EPHA7: variants seen among roughly 807,000 people sequenced by gnomAD.
The protein encoded by EPHA7 is ephrin type-A receptor 7.
Under a neutral mutation model 112.6 loss-of-function variants are expected in EPHA7, and 25 were observed. That is an observed-to-expected ratio of 0.22 (90% confidence interval 0.16 to 0.31). EPHA7 has a LOEUF of 0.31. EPHA7 is among the 10% of genes least tolerant of loss of function. EPHA7 has a pLI of 1.00. For missense variants in EPHA7, 962 were observed against 1,212.6 expected (o/e 0.79, Z 3.07); for synonymous variants, 437 against 406.5 (o/e 1.07, Z -0.90).
intron 5 of EPHA7, among the ~76,000 whole-genome samples, chr6:93,299,818 T>C (rs1286167054): frequency 1.3e-5 from 2 of 152,230 alleles, no homozygotes; most frequent in African/African-American, 4.8e-5. Context: ...ATCACGTCTT[T>C]TGCAGGAACT....
At chr6:93,269,369 G>A in intron 7 of EPHA7, 108 bp downstream of exon 7, 1 of 793,820 alleles carries the variant, frequency 1.3e-6, no homozygotes. Context: ...ATATTTATTT[G>A]TAAATGTAAA....
Position 93,411,040 on chromosome 6 carries a change from AT to A in EPHA7, c.292del (p.Ile98PhefsTer3). 6.2e-7 allele frequency: 1 copy of A among 1,613,990 alleles called. No individual in the cohort carries two copies. Among genetic ancestry groups the A allele is most frequent in the Non-Finnish European group, 8.5e-7 (1 of 1,179,950 alleles). The stretch of plus-strand genomic sequence containing the variant: ...CAGGGTGAATTTCAATTCTACAAAA[AT>A]CCTTTGTGCATTGCCTTTGGAAATC... ...NWISKGNAQR[I>X]FVELKFTLRD... On this transcript the variant is annotated frameshift_variant, in exon 3 of 17. Transcript: ENST00000369303. LOFTEE classifies it high-confidence loss of function.
At chr6:93,291,657 A>C (rs1297659895) in intron 5 of EPHA7, among the ~76,000 whole-genome samples, 1 of 145,530 alleles carries the variant, frequency 6.9e-6, no homozygotes, top group Non-Finnish European at 1.5e-5. Flanking sequence ...AGTCCCAGCT[A>C]CTTGGGAGGC....
chr6:93,296,599 G>T (rs1346764315), intron 5 of EPHA7, among the ~76,000 whole-genome samples: 1 of 151,172 alleles, frequency 6.6e-6, no homozygotes, highest in Non-Finnish European at 1.5e-5. Context: ...GGTACATAAA[G>T]AAAAATATTG....
At chr6:93,296,903 A>G (rs1274579277) in intron 5 of EPHA7, among the ~76,000 whole-genome samples, 2 of 151,954 alleles carry the variant, frequency 1.3e-5, no homozygotes, top group East Asian at 3.9e-4. Flanking sequence ...TAACAAAATT[A>G]TACTGTGTTT....
chr6:93,345,868 T>C (rs1010920195), intron 5 of EPHA7, among the ~76,000 whole-genome samples: 4 of 151,648 alleles, frequency 2.6e-5, no homozygotes, highest in African/African-American at 9.7e-5. Flanking sequence ...TGGATGGCTC[T>C]GCATCATTCC....
intron 9 of EPHA7, 21 bp downstream of exon 9, chr6:93,263,839 A>G: frequency 6.2e-7 from 1 of 1,605,582 alleles, no homozygotes; most frequent in Non-Finnish European, 8.5e-7. Context: ...ACATCATAAT[A>G]AAGAAAAGCC....
intron 3 of EPHA7, among the ~76,000 whole-genome samples, chr6:93,407,412 A>G (rs527902061): frequency 6.6e-6 from 1 of 152,170 alleles, no homozygotes; most frequent in South Asian, 2.1e-4. Flanking sequence ...GTGATTCCAG[A>G]GGCAAGTACT....
intron 5 of EPHA7, among the ~76,000 whole-genome samples, chr6:93,350,040 C>CT (rs1293244133): frequency 1.3e-5 from 2 of 151,894 alleles, no homozygotes; most frequent in Non-Finnish European, 2.9e-5. Flanking sequence ...AAAGGGAATA[C>CT]TGACGCAAAC....
chr6:93,295,791 T>G (rs1284056352), intron 5 of EPHA7, among the ~76,000 whole-genome samples: 2 of 151,850 alleles, frequency 1.3e-5, no homozygotes, highest in African/African-American at 4.8e-5. Context: ...CATTGTTTGA[T>G]ATTTCTGTCC....
At chr6:93,247,462 CAT>C (rs1450039908) in intron 14 of EPHA7, among the ~76,000 whole-genome samples, 1 of 152,160 alleles carries the variant, frequency 6.6e-6, no homozygotes, top group African/African-American at 2.4e-5. Context: ...TTACCAAGCA[CAT>C]GAGTCTTTTA....
At position 93,241,909 on chromosome 6, in the gene EPHA7, T is replaced by C. The variant is rs970381610; in HGVS notation, c.*1517A>G. On this transcript the variant is annotated 3_prime_UTR_variant, in exon 17 of 17. Coordinates refer to ENST00000369303, the MANE Select transcript of EPHA7 (RefSeq NM_004440.4). ...TGTTATTTGTTTGTTTGTTTGTGGATGCCCACATTATCAAACAAGACCAAT... is the reference window on the plus strand; with the variant it reads ...TGTTATTTGTTTGTTTGTTTGTGGACGCCCACATTATCAAACAAGACCAAT... 1.8e-5 allele frequency: 4 copies of C among 218,086 alleles called. No homozygotes were observed. Among genetic ancestry groups the C allele is most frequent in the African/African-American group, 9.0e-5 (4 of 44,486 alleles). 13.5% of individuals were successfully genotyped at this position (218,086 alleles called of 1,614,324 possible).
chr6:93,342,817 GAC>G (rs1281014208), intron 5 of EPHA7, among the ~76,000 whole-genome samples: 1 of 151,600 alleles, frequency 6.6e-6, no homozygotes, highest in Non-Finnish European at 1.5e-5. Flanking sequence ...CCAATTAAAT[GAC>G]AGTTATTAGA....
At chr6:93,315,007 C>T (rs1436378631) in intron 5 of EPHA7, among the ~76,000 whole-genome samples, 15 of 148,938 alleles carry the variant, frequency 1.0e-4, no homozygotes, top group Non-Finnish European at 1.6e-4. Context: ...GGACTACAGG[C>T]GCCCGCCACC....
chr6:93,260,472 C>T (rs1770636794), intron 9 of EPHA7: 4 of 893,416 alleles, frequency 4.5e-6, no homozygotes, highest in Non-Finnish European at 5.4e-6. Context: ...AAAAATTACA[C>T]TATATCCTCA....
chr6:93,387,600 T>C (rs910855087), intron 3 of EPHA7, among the ~76,000 whole-genome samples: 1 of 152,016 alleles, frequency 6.6e-6, no homozygotes, highest in Non-Finnish European at 1.5e-5. Flanking sequence ...CCAAACTGAG[T>C]AATTTATACA....
chr6:93,405,847 ATAT>A (rs2127991733), intron 3 of EPHA7, among the ~76,000 whole-genome samples: 1 of 124,138 alleles, frequency 8.1e-6, no homozygotes. Context: ...ATATATATAT[ATAT>A]AAATGATTAT....
intron 2 of EPHA7, among the ~76,000 whole-genome samples, chr6:93,412,179 T>G (rs1188275861): frequency 1.3e-5 from 2 of 152,090 alleles, no homozygotes; most frequent in African/African-American, 4.8e-5. Flanking sequence ...GATGTCTTAA[T>G]AATGAAATTG....
At chr6:93,301,723 C>A (rs1327084298) in intron 5 of EPHA7, among the ~76,000 whole-genome samples, 1 of 152,138 alleles carries the variant, frequency 6.6e-6, no homozygotes, top group East Asian at 1.9e-4. Flanking sequence ...CTCCCTTGCT[C>A]CCTATACTTA....
Sources: allele counts gnomAD v4.1 joint callset (sites outside exome capture counted in the v4.1 genomes callset), GRCh38; gene constraint gnomAD v4.1.1; transcripts MANE v1.5; gene names NCBI Gene and HGNC (gene_info 2026-07-23, HGNC 2026-07-21).